Variants in COMMD10 observed in about 807,000 individuals in gnomAD.
The protein encoded by COMMD10 is COMM domain-containing protein 10.
In COMMD10, 33 loss-of-function variants were observed where a neutral mutation model predicts 28.9. That is an observed-to-expected ratio of 1.14 (90% CI 0.87 to 1.53). The LOEUF is 1.53. Among genes scored for constraint, COMMD10 ranks in the 40% most tolerant of loss-of-function variants. COMMD10 has a pLI of 0.00. For synonymous variants in COMMD10, 110 were observed against 81.7 expected, an observed-to-expected ratio of 1.35 and a Z score of -1.87; for missense variants, 310 against 233.4, an observed-to-expected ratio of 1.33 and a Z score of -2.14.
intron 5 of COMMD10, among the ~76,000 whole-genome samples, chr5:116,282,929 T>C (rs1268207758): frequency 1.3e-5 from 2 of 151,958 alleles, no homozygotes; most frequent in Non-Finnish European, 2.9e-5. Context: ...AAACTCATAG[T>C]TGATAGACGA....
In COMMD10 at chr5:116,085,062, C is replaced by A; in HGVS notation, c.10C>A (p.Pro4Thr). The change falls in exon 1 of 7, where the codon CCC becomes ACC. Residue 4 changes from proline (P) to threonine (T), a missense_variant. By Grantham distance (38) the Pro-to-Thr change is conservative. Transcript: ENST00000274458. The part of the protein sequence containing the change: MAV[P>T]AALILRESPS... ...TGCGAGAAAGCCGAAGATGGCGGTC[C>A]CCGCGGCGCTGATCCTACGGGAGAG... is the stretch of plus-strand genomic sequence containing the variant. The A allele has an allele frequency of 6.2e-7, 1 of 1,609,450 alleles. No homozygotes were observed. The highest frequency in any genetic ancestry group is 8.5e-7 in the Non-Finnish European group (1 of 1,178,898).
chr5:116,094,951 G>A (rs546574849), intron 4 of COMMD10, among the ~76,000 whole-genome samples: 12 of 152,272 alleles, frequency 7.9e-5, no homozygotes, highest in Middle Eastern at 3.4e-3. Context: ...CTCCTATGTG[G>A]GAGCTAAACA....
chr5:116,267,538 G>C (rs1006311873), intron 5 of COMMD10, among the ~76,000 whole-genome samples: 22 of 151,868 alleles, frequency 1.4e-4, no homozygotes, highest in African/African-American at 4.9e-4. Flanking sequence ...GTAATTTACA[G>C]ATTCAATGCC....
intron 5 of COMMD10, among the ~76,000 whole-genome samples, chr5:116,192,217 C>T (rs1174719854): frequency 6.6e-6 from 1 of 151,350 alleles, no homozygotes; most frequent in East Asian, 2.0e-4. Flanking sequence ...GAGAAGGAAC[C>T]AAAAAACCAA....
intron 4 of COMMD10, among the ~76,000 whole-genome samples, chr5:116,112,188 C>T (rs10045890): frequency 1.3e-5 from 2 of 151,932 alleles, no homozygotes; most frequent in South Asian, 2.1e-4. Flanking sequence ...TGATATTTCT[C>T]GATGTAGAAC....
chr5:116,117,094 T>G (rs1170028835), intron 4 of COMMD10, among the ~76,000 whole-genome samples: 2 of 152,234 alleles, frequency 1.3e-5, no homozygotes, highest in Admixed American at 6.5e-5. Flanking sequence ...TTCATATTAT[T>G]ACATTTATTA....
rs541410978 is a variant in COMMD10 at position 116,224,030 on chromosome 5, T to G, written c.511-67487T>G. 9.2e-5 allele frequency among the ~76,000 whole-genome samples: 14 copies of G among 152,294 alleles called. No homozygotes were observed. In the South Asian group the frequency reaches 2.9e-3, roughly 32 times the overall value. On this transcript the variant is annotated intron_variant, in intron 5 of 6. Coordinates refer to ENST00000274458, the MANE Select transcript of COMMD10 (RefSeq NM_016144.4). ...GTTTTACTGTTTGTCTCTTTTACGTTTTTTAAGAACAAAGCTTCCATTTTC... is the reference window on the plus strand; with the variant it reads ...GTTTTACTGTTTGTCTCTTTTACGTGTTTTAAGAACAAAGCTTCCATTTTC...
rs145616422 is a variant in COMMD10, at chr5:116,213,911, C to T, written c.511-77606C>T. Among the ~76,000 whole-genome samples, 1,086 of 152,116 alleles carry T rather than the reference C, an allele frequency of 7.1e-3. 6 individuals carry two copies. Among genetic ancestry groups the T allele is most frequent in the Non-Finnish European group, 9.8e-3 (668 of 67,928 alleles). The stretch of plus-strand genomic sequence containing the variant: ...CAAAAAGGAATTTTTTTGTATTTTA[C>T]ATTCAGTCCTTTTCATGGAATAGAA... On this transcript the variant is annotated intron_variant, in intron 5 of 6. Coordinates refer to ENST00000274458, the MANE Select transcript of COMMD10 (RefSeq NM_016144.4).
intron 5 of COMMD10, among the ~76,000 whole-genome samples, chr5:116,286,168 T>C (rs1751213771): frequency 6.6e-6 from 1 of 151,746 alleles, no homozygotes; most frequent in Non-Finnish European, 1.5e-5. Flanking sequence ...AGTGGTCTTT[T>C]ATAACACTTT....
intron 5 of COMMD10, among the ~76,000 whole-genome samples, chr5:116,184,996 G>A (rs1748091813): frequency 6.6e-6 from 1 of 152,000 alleles, no homozygotes; most frequent in African/African-American, 2.4e-5. Context: ...TTCCTGACAA[G>A]AATTTTGAAA....
At chr5:116,195,623 AAG>A (rs1383308741) in intron 5 of COMMD10, among the ~76,000 whole-genome samples, 1 of 152,180 alleles carries the variant, frequency 6.6e-6, no homozygotes, top group African/African-American at 2.4e-5. Flanking sequence ...AGACCTCTAC[AAG>A]AAAAACTACA....
At chr5:116,160,709 G>T (rs1467563956) in intron 5 of COMMD10, among the ~76,000 whole-genome samples, 1 of 152,094 alleles carries the variant, frequency 6.6e-6, no homozygotes, top group Admixed American at 6.6e-5. Flanking sequence ...TAATTTTCTT[G>T]GTCATCAGAA....
At chr5:116,242,952 A>G (rs1233980001) in intron 5 of COMMD10, among the ~76,000 whole-genome samples, 1 of 152,208 alleles carries the variant, frequency 6.6e-6, no homozygotes, top group Non-Finnish European at 1.5e-5. Flanking sequence ...CCATCTGGGG[A>G]AACATTAATG....
At chr5:116,136,847 G>T (rs2063253) in intron 5 of COMMD10, among the ~76,000 whole-genome samples, 76,378 of 151,962 alleles carry the variant, frequency 0.5, 21,778 homozygotes, top group Non-Finnish European at 0.65. Flanking sequence ...AAGAAGAGGA[G>T]AAGCACACAT....
intron 5 of COMMD10, among the ~76,000 whole-genome samples, chr5:116,238,679 C>G (rs767152364): frequency 2.6e-5 from 4 of 152,114 alleles, no homozygotes; most frequent in African/African-American, 7.2e-5. Context: ...CTACTTAAGA[C>G]ATAAAAATCT....
intron 5 of COMMD10, among the ~76,000 whole-genome samples, chr5:116,283,425 C>T (rs1751127765): frequency 6.6e-6 from 1 of 151,436 alleles, no homozygotes; most frequent in Non-Finnish European, 1.5e-5. Flanking sequence ...TGGCTCACTG[C>T]AACCTCCACC....
rs570452354 is a variant in COMMD10 at position 116,275,808 on chromosome 5, C to T, written c.511-15709C>T. Among the ~76,000 whole-genome samples the T allele has an allele frequency of 4.0e-5, 6 of 151,696 alleles. No individual in the cohort carries two copies. The East Asian group carries it at 1.2e-3, about 29-fold the overall frequency. On this transcript the variant is annotated intron_variant, in intron 5 of 6. Transcript: ENST00000274458. ...GAACATCAGATCCTAAATCATAAGG[C>T]ATAAACTGCTAATGGCCAGATTTGC...
intron 5 of COMMD10, among the ~76,000 whole-genome samples, chr5:116,247,569 T>G (rs1399956643): frequency 6.6e-6 from 1 of 151,228 alleles, no homozygotes; most frequent in Non-Finnish European, 1.5e-5. Flanking sequence ...GGAATCAAGC[T>G]AAACGCCTGT....
At chr5:116,287,748 TG>T (rs984320723) in intron 5 of COMMD10, among the ~76,000 whole-genome samples, 2 of 151,808 alleles carry the variant, frequency 1.3e-5, no homozygotes, top group Non-Finnish European at 2.9e-5. Context: ...ATTTTCTTTG[TG>T]GTTACCATTG....
Sources: gnomAD v4.1 joint callset for allele counts (sites outside exome capture counted in the v4.1 genomes callset) on GRCh38, gnomAD v4.1.1 for gene constraint, MANE v1.5 for transcripts, NCBI Gene and HGNC (gene_info 2026-07-23, HGNC 2026-07-21) for gene names.